The following CA10 variants were observed in gnomAD, a reference collection of about 807,000 sequenced individuals.
The protein encoded by CA10 is carbonic anhydrase-related protein 10.
A neutral mutation model predicts 44.2 loss-of-function variants in CA10; 14 were observed. The ratio of observed to expected loss-of-function variants is 0.32; its 90% CI spans 0.21 to 0.50. CA10 has a LOEUF of 0.50. Among genes scored for constraint, CA10 ranks in the 20% least tolerant of loss-of-function variants. The pLI is 0.99. For missense variants in CA10, 350 were observed against 409.7 expected (o/e 0.85, Z 1.26); for synonymous variants, 159 against 141.6 (o/e 1.12, Z -0.87).
chr17:52,148,164 G>C (rs1026330099), intron 1 of CA10, among the ~76,000 whole-genome samples: 1 of 152,178 alleles, frequency 6.6e-6, no homozygotes, highest in Non-Finnish European at 1.5e-5. Context: ...TCTGCATCAA[G>C]ACTAAAAAGT....
At chr17:51,981,134 T>A (rs1291424192) in intron 2 of CA10, among the ~76,000 whole-genome samples, 2 of 152,074 alleles carry the variant, frequency 1.3e-5, no homozygotes, top group Non-Finnish European at 2.9e-5. Flanking sequence ...AGGTTACAGA[T>A]ATACCTACCA....
intron 3 of CA10, among the ~76,000 whole-genome samples, chr17:51,928,495 G>A (rs967044228): frequency 7.2e-5 from 11 of 152,096 alleles, no homozygotes; most frequent in African/African-American, 2.7e-4. Flanking sequence ...AATAAACATA[G>A]TAACGCAAGT....
At chr17:51,900,459 T>A (rs554814993) in intron 3 of CA10, among the ~76,000 whole-genome samples, 12 of 152,236 alleles carry the variant, frequency 7.9e-5, no homozygotes, top group Non-Finnish European at 1.2e-4. Context: ...TACTTTAACA[T>A]TTGTTTCTTT....
chr17:51,718,222 GATTTAAAATGAAAA>G (rs1916234801), intron 4 of CA10, among the ~76,000 whole-genome samples: 1 of 22,260 alleles, frequency 4.5e-5, no homozygotes, highest in Non-Finnish European at 1.1e-4. Flanking sequence ...ATGAAAAAAA[GATTTAAAATGAAAA>G]AAAGATTTAA....
chr17:51,792,286 TTCTCCA>T (rs1446995564), intron 3 of CA10, among the ~76,000 whole-genome samples: 2 of 152,226 alleles, frequency 1.3e-5, no homozygotes, highest in Admixed American at 1.3e-4. Context: ...TCCCTGTTGC[TTCTCCA>T]TCTCCATCTC....
chr17:52,077,191 T>C (rs1691471385), intron 1 of CA10, among the ~76,000 whole-genome samples: 1 of 152,200 alleles, frequency 6.6e-6, no homozygotes, highest in Admixed American at 6.5e-5. Context: ...CAGAATTATC[T>C]TACATAATTC....
At chr17:51,930,843 T>C in intron 3 of CA10, 147 bp downstream of exon 3, 2 of 907,320 alleles carry the variant, frequency 2.2e-6, no homozygotes, top group Non-Finnish European at 3.4e-6. Context: ...TAGACATATT[T>C]CTATCTAATG....
chr17:51,809,437 A>T (rs1382944594), intron 3 of CA10, among the ~76,000 whole-genome samples: 1 of 152,234 alleles, frequency 6.6e-6, no homozygotes, highest in Non-Finnish European at 1.5e-5. Context: ...CACAGAAGAG[A>T]TGCAAAAAAC....
intron 1 of CA10, among the ~76,000 whole-genome samples, chr17:52,082,051 T>A (rs1003388470): frequency 1.8e-4 from 28 of 152,302 alleles, no homozygotes; most frequent in Non-Finnish European, 5.9e-5. Flanking sequence ...TCTCTCTCCC[T>A]GACTAAATTA....
intron 4 of CA10, among the ~76,000 whole-genome samples, chr17:51,694,192 G>A (rs573795885): frequency 8.7e-5 from 13 of 149,758 alleles, no homozygotes; most frequent in Non-Finnish European, 1.5e-4. Context: ...CAACAAGAGC[G>A]AAACTCCGTC....
intron 2 of CA10, among the ~76,000 whole-genome samples, chr17:51,965,548 T>G (rs1038123403): frequency 1.3e-5 from 2 of 152,036 alleles, no homozygotes; most frequent in Non-Finnish European, 2.9e-5. Flanking sequence ...GCAAGGTTGG[T>G]TCAACATACA....
At chr17:52,011,208 A>G (rs1985783852) in intron 2 of CA10, among the ~76,000 whole-genome samples, 1 of 149,704 alleles carries the variant, frequency 6.7e-6, no homozygotes, top group African/African-American at 2.4e-5. Flanking sequence ...GTTATAATTT[A>G]TGATCCTTTA....
intron 4 of CA10, among the ~76,000 whole-genome samples, chr17:51,678,800 G>A (rs1029047043): frequency 1.3e-5 from 2 of 152,074 alleles, no homozygotes; most frequent in African/African-American, 4.8e-5. Context: ...AAACAATTTG[G>A]GATGATCTGA....
intron 2 of CA10, among the ~76,000 whole-genome samples, chr17:52,029,890 T>C (rs982855973): frequency 2.6e-5 from 4 of 152,252 alleles, no homozygotes; most frequent in African/African-American, 9.6e-5. Context: ...CTATAATTTA[T>C]TGTATTATAA....
Position 51,867,463 on chromosome 17 carries a change from A to C in CA10, c.279+63527T>G, listed in dbSNP as rs1280708327. On this transcript the variant is annotated intron_variant, in intron 3 of 8. Coordinates refer to ENST00000451037, the MANE Select transcript of CA10 (RefSeq NM_020178.5). ...CATGTATTAGCTTTGAAGTGCAGCA[A>C]GTTCTTTAAATTCTTTAAGTCTCAG... 5.3e-5 allele frequency among the ~76,000 whole-genome samples: 8 copies of C among 152,160 alleles called. No homozygotes were observed. In the East Asian group the frequency reaches 1.5e-3, roughly 29 times the overall value.
chr17:52,139,963 T>C (rs1029092741), intron 1 of CA10, among the ~76,000 whole-genome samples: 2 of 152,208 alleles, frequency 1.3e-5, no homozygotes, highest in Non-Finnish European at 2.9e-5. Context: ...CTTCATGTTT[T>C]CAAACACCCC....
chr17:51,874,233 G>A (rs1281829434), intron 3 of CA10, among the ~76,000 whole-genome samples: 1 of 152,018 alleles, frequency 6.6e-6, no homozygotes, highest in Non-Finnish European at 1.5e-5. Flanking sequence ...GGCTTTCATG[G>A]CCAGGACTAT....
At chr17:51,824,018 T>C (rs1360660556) in intron 3 of CA10, among the ~76,000 whole-genome samples, 1 of 152,230 alleles carries the variant, frequency 6.6e-6, no homozygotes, top group African/African-American at 2.4e-5. Context: ...TGATATTTCA[T>C]ATTATTTTTA....
intron 2 of CA10, among the ~76,000 whole-genome samples, chr17:51,975,197 A>T (rs1984420203): frequency 6.6e-6 from 1 of 152,218 alleles, no homozygotes; most frequent in African/African-American, 2.4e-5. Context: ...AGGAGGTAGA[A>T]AAGGAGAAGT....
Sources: allele counts gnomAD v4.1 joint callset (sites outside exome capture counted in the v4.1 genomes callset), GRCh38; gene constraint gnomAD v4.1.1; transcripts MANE v1.5; gene names NCBI Gene and HGNC (gene_info 2026-07-23, HGNC 2026-07-21).